The following DDX39A variants were observed in gnomAD, a reference collection of about 807,000 sequenced individuals.
The protein encoded by DDX39A is ATP-dependent RNA helicase DDX39A.
A neutral mutation model predicts 46.3 loss-of-function variants in DDX39A; 13 were observed. That is an observed-to-expected ratio of 0.28 (90% CI 0.18 to 0.45). The LOEUF is 0.45. Among genes scored for constraint, DDX39A ranks in the 20% least tolerant of loss-of-function variants. The pLI is 1.00. For synonymous variants in DDX39A, 234 were observed against 224.6 expected (o/e 1.04, Z -0.38); for missense variants, 352 against 581.8 (o/e 0.61, Z 4.06).
In DDX39A at chr19:14,410,521, G is replaced by A. The variant is rs1245889117; in HGVS notation, c.614-187C>T. On this transcript the variant is annotated intron_variant, in intron 5 of 10. Transcript: ENST00000242776. The surrounding 1 kb of genome is among the most constrained non-coding windows in gnomAD (Gnocchi z 4.3). Reference sequence around the variant, plus strand: ...GCTGGGGGGTGGCCAGCGAGCGCAGGCGCGGGAGGAGCTGCAATCCACTTA... The same window carrying A: ...GCTGGGGGGTGGCCAGCGAGCGCAGACGCGGGAGGAGCTGCAATCCACTTA... 3.6e-5 allele frequency: 22 copies of A among 609,496 alleles called. No individual in the cohort carries two copies. The highest frequency in any genetic ancestry group is 2.9e-6 in the Non-Finnish European group (1 of 340,036). 37.8% of individuals were successfully genotyped at this position (609,496 alleles called of 1,614,324 possible).
At position 14,409,319 on chromosome 19, in the gene DDX39A, T is replaced by C. The variant is rs1193300532; in HGVS notation, c.1103A>G (p.Asp368Gly). ...VFNYDMPEDS[D>G]TYLHRVARAG... is the part of the protein sequence containing the mutation. ...GCTGCTCACCCGGTGCAGGTAGGTG[T>C]CCGAGTCCTCAGGCATGTCGTAGTT... is the stretch of plus-strand genomic sequence containing the variant. The change falls in exon 9 of 11, where the codon GAC becomes GGC. Residue 368 changes from aspartate (D) to glycine (G), a missense_variant. This residue lies in a region of DDX39A where 301 missense variants were observed against 469.9 expected (regional missense o/e 0.64). Transcript: ENST00000242776. The surrounding 1 kb of genome is among the most constrained non-coding windows in gnomAD (Gnocchi z 8.3). 7 of 1,614,150 alleles carry C rather than the reference T, an allele frequency of 4.3e-6. No homozygotes were observed. Among genetic ancestry groups the C allele is most frequent in the Non-Finnish European group, 5.1e-6 (6 of 1,180,016 alleles).
chr19:14,412,717 T>C lies in DDX39A; in HGVS notation c.209-39A>G, dbSNP rs377036664. The C allele has an allele frequency of 4.5e-6, 7 of 1,571,514 alleles. No homozygotes were observed. In the African/African-American group the frequency reaches 9.4e-5, roughly 21 times the overall value. ...AGAGCGTGAGGGACGAGAACCTGGA[T>C]GCACCCCCGTGCAGGATCCTCACCA... On this transcript the variant is annotated intron_variant, in intron 2 of 10. Coordinates refer to ENST00000242776, the MANE Select transcript of DDX39A (RefSeq NM_005804.4). The surrounding 1 kb of genome is among the most constrained non-coding windows in gnomAD (Gnocchi z 4.4).
At position 14,410,037 on chromosome 19, in the gene DDX39A, C is replaced by G; in HGVS notation, c.733-164G>C. On this transcript the variant is annotated intron_variant, in intron 6 of 10. Transcript: ENST00000242776. This position sits in a 1 kb window ranked among gnomAD's most constrained non-coding sequence, Gnocchi z 4.3. ...CAAAAGCTGGATGTAAGCTCTGGCC[C>G]GACTCAGGTGTGGACCAAGCTTGAC... 1 of 1,104,348 alleles carries G rather than the reference C, an allele frequency of 9.1e-7. No homozygotes were observed. 68.4% of individuals were successfully genotyped at this position (1,104,348 alleles called of 1,614,324 possible).
chr19:14,411,704 C>G lies in DDX39A; in HGVS notation c.337-106G>C, dbSNP rs1204793761. 2 of 1,023,920 alleles carry G rather than the reference C, an allele frequency of 2.0e-6. No homozygotes were observed. Among genetic ancestry groups the G allele is most frequent in the East Asian group, 5.2e-5 (2 of 38,378 alleles). The allele number at this position is 1,023,920 out of a possible 1,614,324, so 63.4% of individuals were successfully genotyped here. A position where few individuals can be genotyped will look rare whatever the true frequency, so the allele number is the denominator to read the frequency against. Reference sequence around the variant, plus strand: ...CCCCCTGACACTGCACCCAACATCACAGGCCATTTGAAGGCCCGGTCCAAA... The same window carrying G: ...CCCCCTGACACTGCACCCAACATCAGAGGCCATTTGAAGGCCCGGTCCAAA... On this transcript the variant is annotated intron_variant, in intron 3 of 10. Transcript: ENST00000242776. This position sits in a 1 kb window ranked among gnomAD's most constrained non-coding sequence, Gnocchi z 4.1.
At position 14,410,362 on chromosome 19, in the gene DDX39A, G is replaced by T; in HGVS notation, c.614-28C>A. The T allele has an allele frequency of 6.3e-7, 1 of 1,595,714 alleles. No homozygotes were observed. Among genetic ancestry groups the T allele is most frequent in the South Asian group, 1.1e-5 (1 of 90,756 alleles). ...AGGTGGGGAGGGCAAGACATGGGTG[G>T]GCATGAGCGTCTGCCATGCAGGACC... On this transcript the variant is annotated intron_variant, in intron 5 of 10. Transcript: ENST00000242776. The surrounding 1 kb of genome is among the most constrained non-coding windows in gnomAD (Gnocchi z 4.3).
chr19:14,411,387 C>CA lies in DDX39A; in HGVS notation c.429+118dup. 1 of 1,127,048 alleles carries CA rather than the reference C, an allele frequency of 8.9e-7. No homozygotes were observed. Among genetic ancestry groups the CA allele is most frequent in the Non-Finnish European group, 1.3e-6 (1 of 765,678 alleles). The allele number at this position is 1,127,048 out of a possible 1,614,324, so 69.8% of individuals were successfully genotyped here. A position where few individuals can be genotyped will look rare whatever the true frequency, so the allele number is the denominator to read the frequency against. ...GGCTTTTAAGGAGCAAAAACCACCG[C>CA]AAACCTCAAAGGCAGCTGCCCCTGC... On this transcript the variant is annotated intron_variant, in intron 4 of 10. Transcript: ENST00000242776. This position sits in a 1 kb window ranked among gnomAD's most constrained non-coding sequence, Gnocchi z 4.1.
Position 14,411,325 on chromosome 19 carries a change from C to T in DDX39A, c.430-153G>A. The stretch of plus-strand genomic sequence containing the variant: ...ACTCAAAGGCAGCCCCAGGCTGGGA[C>T]CTGCGCAGGCCCCTGGGAGCCATGC... On this transcript the variant is annotated intron_variant, in intron 4 of 10. Transcript: ENST00000242776. This position sits in a 1 kb window ranked among gnomAD's most constrained non-coding sequence, Gnocchi z 4.1. 2 of 1,031,956 alleles carry T rather than the reference C, an allele frequency of 1.9e-6. No homozygotes were observed. The highest frequency in any genetic ancestry group is 2.8e-6 in the Non-Finnish European group (2 of 712,098). The allele number at this position is 1,031,956 out of a possible 1,614,324, so 63.9% of individuals were successfully genotyped here.
chr19:14,419,175 C>T (rs1363558646), intron 1 of DDX39A, 95 bp downstream of exon 1: 2 of 349,382 alleles, frequency 5.7e-6, no homozygotes, highest in South Asian at 4.1e-5. Flanking sequence ...ACCCTTTCTC[C>T]CCCTCCCCTT....
intron 1 of DDX39A, among the ~76,000 whole-genome samples, chr19:14,414,936 T>TAAA (rs1006829482): frequency 2.7e-5 from 2 of 72,796 alleles, no homozygotes; most frequent in Admixed American, 1.7e-4. Context: ...CACTCCAGCC[T>TAAA]AAAAAAAAAA....
chr19:14,410,152 G>T lies in DDX39A; in HGVS notation c.732+64C>A. On this transcript the variant is annotated intron_variant, in intron 6 of 10. Transcript: ENST00000242776. The surrounding 1 kb of genome is among the most constrained non-coding windows in gnomAD (Gnocchi z 4.3). ...TCCGTGCCATGTGGGCCGTGCGGGT[G>T]TCCTGGGGCCCCAGGCTCCAGGCCC... 2 of 1,452,150 alleles carry T rather than the reference G, an allele frequency of 1.4e-6. No individual in the cohort carries two copies. The highest frequency in any genetic ancestry group is 9.7e-7 in the Non-Finnish European group (1 of 1,035,850). The allele number at this position is 1,452,150 out of a possible 1,614,324, so 90.0% of individuals were successfully genotyped here.
At position 14,410,331 on chromosome 19, in the gene DDX39A, A is replaced by G; in HGVS notation, c.617T>C (p.Met206Thr). The G allele has an allele frequency of 6.2e-7, 1 of 1,613,734 alleles. No individual in the cohort carries two copies. Among genetic ancestry groups the G allele is most frequent in the Non-Finnish European group, 8.5e-7 (1 of 1,179,746 alleles). ...GAAGATCTCCTGCACATCCCGCCGC[A>G]TGTCTAGGTGGGGAGGGCAAGACAT... Reference protein sequence around the residue: ...ECDKMLEQLDMRRDVQEIFRL... With the variant: ...ECDKMLEQLDTRRDVQEIFRL... The change falls in exon 6 of 11, where the codon ATG becomes ACG. Residue 206 changes from methionine (M) to threonine (T), a missense_variant. Physicochemically the swap from Met to Thr is moderately conservative, Grantham distance 81. Coordinates refer to ENST00000242776, the MANE Select transcript of DDX39A (RefSeq NM_005804.4). The surrounding 1 kb of genome is among the most constrained non-coding windows in gnomAD (Gnocchi z 4.3).
chr19:14,409,607 G>T lies in DDX39A; in HGVS notation c.903C>A (p.Ala301=). The T allele has an allele frequency of 6.2e-7, 1 of 1,612,160 alleles. No homozygotes were observed. The part of the protein sequence containing the change: ...IFVKSVQRCM[A]LAQLLVEQNF... ...TCTGCTCCACGAGGAGCTGGGCCAG[G>T]GCCATGCAGCGCTGCACTGACTTGA... The change falls in exon 8 of 11, where the codon GCC becomes GCA. Residue 301 remains alanine (A), a synonymous_variant. Coordinates refer to ENST00000242776, the MANE Select transcript of DDX39A (RefSeq NM_005804.4). This position sits in a 1 kb window ranked among gnomAD's most constrained non-coding sequence, Gnocchi z 8.3.
rs1976578775 is a variant in DDX39A, at chr19:14,411,237, C to T, written c.430-65G>A. 1 of 1,503,516 alleles carries T rather than the reference C, an allele frequency of 6.7e-7. No individual in the cohort carries two copies. The highest frequency in any genetic ancestry group is 8.9e-7 in the Non-Finnish European group (1 of 1,124,462). The allele number at this position is 1,503,516 out of a possible 1,614,324, so 93.1% of individuals were successfully genotyped here. On this transcript the variant is annotated intron_variant, in intron 4 of 10. Coordinates refer to ENST00000242776, the MANE Select transcript of DDX39A (RefSeq NM_005804.4). This position sits in a 1 kb window ranked among gnomAD's most constrained non-coding sequence, Gnocchi z 4.1. ...GGCCCAAGGCCCCAACCTGCACGGC[C>T]CAGCACCTGCGAACAGGAGGCCTCA...
In DDX39A at chr19:14,409,947, T is replaced by C. The variant is rs779635598; in HGVS notation, c.733-74A>G. ...ATCTCGCCTGCCCAGAACCTTCCAGTGGGCGACTCCTTTGTGCGACACTTC... is the reference window on the plus strand; with the variant it reads ...ATCTCGCCTGCCCAGAACCTTCCAGCGGGCGACTCCTTTGTGCGACACTTC... On this transcript the variant is annotated intron_variant, in intron 6 of 10. Coordinates refer to ENST00000242776, the MANE Select transcript of DDX39A (RefSeq NM_005804.4). The surrounding 1 kb of genome is among the most constrained non-coding windows in gnomAD (Gnocchi z 8.3). 2.5e-6 allele frequency: 4 copies of C among 1,573,704 alleles called. No homozygotes were observed. The highest frequency in any genetic ancestry group is 3.5e-6 in the Non-Finnish European group (4 of 1,150,300).
rs1410895587 is a variant in DDX39A at position 14,412,187 on chromosome 19, A to T, written c.336+364T>A. Among the ~76,000 whole-genome samples the T allele has an allele frequency of 6.6e-6, 1 of 152,226 alleles. No homozygotes were observed. The highest frequency in any genetic ancestry group is 1.5e-5 in the Non-Finnish European group (1 of 68,042). On this transcript the variant is annotated intron_variant, in intron 3 of 10. Coordinates refer to ENST00000242776, the MANE Select transcript of DDX39A (RefSeq NM_005804.4). The surrounding 1 kb of genome is among the most constrained non-coding windows in gnomAD (Gnocchi z 4.4). Reference sequence around the variant, plus strand: ...AACAGCAAGGACAGTGGTGACAGCTATATTCGGGGCAACCCAACCTTCACA... The same window carrying T: ...AACAGCAAGGACAGTGGTGACAGCTTTATTCGGGGCAACCCAACCTTCACA...
chr19:14,414,333 T>C (rs1976716965), intron 1 of DDX39A, among the ~76,000 whole-genome samples: 2 of 91,852 alleles, frequency 2.2e-5, no homozygotes, highest in South Asian at 5.9e-4. Flanking sequence ...GTTTTATTAT[T>C]ATTATTATTA....
Position 14,409,242 on chromosome 19 carries a change from A to G in DDX39A, c.1120-58T>C. 6.2e-7 allele frequency: 1 copy of G among 1,612,898 alleles called. No individual in the cohort carries two copies. Among genetic ancestry groups the G allele is most frequent in the Non-Finnish European group, 8.5e-7 (1 of 1,178,984 alleles). ...GATACTACCTCAGGACTTGAGGAAA[A>G]GCAGGGCTGGGGCCCCACCCCACCG... is the stretch of plus-strand genomic sequence containing the variant. On this transcript the variant is annotated intron_variant, in intron 9 of 10. Transcript: ENST00000242776. The surrounding 1 kb of genome is among the most constrained non-coding windows in gnomAD (Gnocchi z 8.3).
chr19:14,414,869 G>A lies in DDX39A; in HGVS notation c.-4-1645C>T, dbSNP rs562945167. 1.9e-4 allele frequency among the ~76,000 whole-genome samples: 28 copies of A among 149,992 alleles called. No homozygotes were observed. The South Asian group carries it at 5.5e-3, about 29-fold the overall frequency. On this transcript the variant is annotated intron_variant, in intron 1 of 10. Transcript: ENST00000242776. ...AATCCCAGCTACTCGGGAAGCTGAGGCAGAAAAATTGCTTAAACCTGGGAG... is the reference window on the plus strand; with the variant it reads ...AATCCCAGCTACTCGGGAAGCTGAGACAGAAAAATTGCTTAAACCTGGGAG...
Position 14,409,701 on chromosome 19 carries a change from C to T in DDX39A, c.864+41G>A, listed in dbSNP as rs757427136. On this transcript the variant is annotated intron_variant, in intron 7 of 10. Transcript: ENST00000242776. This position sits in a 1 kb window ranked among gnomAD's most constrained non-coding sequence, Gnocchi z 8.3. ...CAGTCCCTGTGGCCCAGTGACCTCC[C>T]GAAGGTCCTGAGCCCCAGGACAGGC... The T allele has an allele frequency of 1.8e-4, 294 of 1,612,148 alleles. 5 individuals are homozygous for T. In the South Asian group the frequency reaches 2.9e-3, roughly 16 times the overall value.
Sources: gnomAD v4.1 joint callset for allele counts (sites outside exome capture counted in the v4.1 genomes callset) on GRCh38, gnomAD v4.1.1 for gene constraint, gnomAD v4.1.1 regional missense constraint, Gnocchi (gnomAD v3.1) non-coding constraint, MANE v1.5 for transcripts, NCBI Gene and HGNC (gene_info 2026-07-23, HGNC 2026-07-21) for gene names.